The following ANKHD1 variants were observed in gnomAD, a reference collection of about 807,000 sequenced individuals.
ANKHD1 encodes ankyrin repeat and KH domain-containing protein 1.
In ANKHD1, 31 loss-of-function variants were observed where a neutral mutation model predicts 230.5. The observed-to-expected ratio is 0.13, with a 90% CI of 0.10 to 0.18. The LOEUF (loss-of-function observed/expected upper bound fraction) is 0.18. Among genes scored for constraint, ANKHD1 ranks in the 10% least tolerant of loss-of-function variants. ANKHD1 has a pLI of 1.00. For synonymous variants in ANKHD1, 1,074 were observed against 1,117.6 expected (o/e 0.96, Z 0.78); for missense variants, 2,256 against 3,071.3 (o/e 0.73, Z 6.27).
At chr5:140,494,602 CAT>C (rs1177417282) in intron 14 of ANKHD1, among the ~76,000 whole-genome samples, 1 of 152,104 alleles carries the variant, frequency 6.6e-6, no homozygotes, top group Non-Finnish European at 1.5e-5. Context: ...AGTAATGACA[CAT>C]GTTGCATATG....
chr5:140,459,445 G>C, intron 9 of ANKHD1, 90 bp downstream of exon 9: 1 of 1,398,682 alleles, frequency 7.1e-7, no homozygotes, highest in South Asian at 1.9e-5. Context: ...GCTCCTAGTA[G>C]ATAATAGAAT....
Position 140,485,063 on chromosome 5 carries a change from A to G in ANKHD1, c.1871-58A>G. On this transcript the variant is annotated intron_variant, in intron 11 of 33. Coordinates refer to ENST00000360839, the MANE Select transcript of ANKHD1 (RefSeq NM_017747.3). This position sits in a 1 kb window ranked among gnomAD's most constrained non-coding sequence, Gnocchi z 4.8. Reference sequence around the variant, plus strand: ...CACAAAAAATTTTTAAATGATATTGACTATGAACTAGCTTGATGTCAACCT... The same window carrying G: ...CACAAAAAATTTTTAAATGATATTGGCTATGAACTAGCTTGATGTCAACCT... The G allele has an allele frequency of 6.5e-7, 1 of 1,542,412 alleles. No homozygotes were observed.
intron 10 of ANKHD1, chr5:140,472,410 C>A: frequency 6.9e-7 from 1 of 1,458,202 alleles, no homozygotes; most frequent in Non-Finnish European, 9.1e-7. Flanking sequence ...TGCTGGGTGA[C>A]AAAGGAAATC....
intron 9 of ANKHD1, among the ~76,000 whole-genome samples, 158 bp downstream of exon 9, chr5:140,459,513 A>G (rs1381961088): frequency 6.6e-6 from 1 of 152,114 alleles, no homozygotes; most frequent in Non-Finnish European, 1.5e-5. Flanking sequence ...GAGAGGGGAA[A>G]TGTTGATCAA....
At chr5:140,505,453 C>T (rs1270172700) in intron 17 of ANKHD1, among the ~76,000 whole-genome samples, 1 of 152,098 alleles carries the variant, frequency 6.6e-6, no homozygotes, top group Non-Finnish European at 1.5e-5. Flanking sequence ...GTTGTGGTTG[C>T]CTTTGTTAAT....
intron 6 of ANKHD1, among the ~76,000 whole-genome samples, chr5:140,446,884 T>C (rs1461097987): frequency 1.3e-5 from 2 of 152,094 alleles, no homozygotes; most frequent in Non-Finnish European, 2.9e-5. Flanking sequence ...TCTCAATAAA[T>C]ATTCTTTATT....
intron 22 of ANKHD1, among the ~76,000 whole-genome samples, chr5:140,510,651 A>G (rs1752725994): frequency 6.6e-6 from 1 of 152,074 alleles, no homozygotes; most frequent in Admixed American, 6.6e-5. Context: ...GTAGTTCACT[A>G]TAAGCAACTT....
intron 6 of ANKHD1, among the ~76,000 whole-genome samples, chr5:140,446,218 T>G (rs1476004875): frequency 6.6e-6 from 1 of 152,200 alleles, no homozygotes; most frequent in Non-Finnish European, 1.5e-5. Context: ...ACCCAACTAC[T>G]TAGCTTAGAT....
chr5:140,436,320 A>C, intron 2 of ANKHD1, 63 bp downstream of exon 2: 5 of 1,341,874 alleles, frequency 3.7e-6, no homozygotes, highest in Non-Finnish European at 4.8e-6. Context: ...TTACAGTTAC[A>C]TGAGATTATC....
chr5:140,406,673 T>G (rs959285029), intron 1 of ANKHD1, among the ~76,000 whole-genome samples: 2 of 151,964 alleles, frequency 1.3e-5, no homozygotes, highest in Non-Finnish European at 2.9e-5. Context: ...GTAGTGAGAT[T>G]ACAAGTGCGT....
intron 22 of ANKHD1, among the ~76,000 whole-genome samples, chr5:140,511,254 A>G (rs572802390): frequency 6.6e-6 from 1 of 152,328 alleles, no homozygotes; most frequent in South Asian, 2.1e-4. Flanking sequence ...GACCTGCATA[A>G]TAAGCTTCAT....
chr5:140,421,715 T>C (rs1771998156), intron 1 of ANKHD1, among the ~76,000 whole-genome samples: 1 of 152,238 alleles, frequency 6.6e-6, no homozygotes. Flanking sequence ...CTCTAATGCT[T>C]CTAGTTTTGT....
In ANKHD1 at chr5:140,401,871, A is replaced by G; in HGVS notation, c.-97A>G. On this transcript the variant is annotated 5_prime_UTR_variant, in exon 1 of 34. Transcript: ENST00000360839. ...TGGCGCTGCTGGGACGGGGGAAAGG[A>G]GACGCTTCTTCCTCTTGCTGCTCTT... 1 of 1,448,166 alleles carries G rather than the reference A, an allele frequency of 6.9e-7. No individual in the cohort carries two copies. Among genetic ancestry groups the G allele is most frequent in the Non-Finnish European group, 9.0e-7 (1 of 1,105,868 alleles). 89.7% of individuals were successfully genotyped at this position (1,448,166 alleles called of 1,614,324 possible).
intron 1 of ANKHD1, among the ~76,000 whole-genome samples, chr5:140,435,064 TATTAA>T (rs1773332791): frequency 6.6e-6 from 1 of 152,232 alleles, no homozygotes; most frequent in African/African-American, 2.4e-5. Flanking sequence ...AACAAGTATG[TATTAA>T]ATTCATACTA....
intron 15 of ANKHD1, among the ~76,000 whole-genome samples, chr5:140,500,706 T>C (rs1202069557): frequency 6.7e-6 from 1 of 148,618 alleles, no homozygotes; most frequent in Non-Finnish European, 1.5e-5. Context: ...ATTAAGTTGC[T>C]AGTAAGTACC....
chr5:140,405,056 G>A lies in ANKHD1; in HGVS notation c.306+2783G>A, dbSNP rs140604653. Among the ~76,000 whole-genome samples the A allele has an allele frequency of 2.6e-3, 386 of 150,754 alleles. 1 individual carries two copies. The highest frequency in any genetic ancestry group is 0.014 in the Middle Eastern group (4 of 292). ...GGAGTCTCCATACCATGTAATTAAA[G>A]CTATGGGCAGAATCCATGCCTTTTG... On this transcript the variant is annotated intron_variant, in intron 1 of 33. Transcript: ENST00000360839.
chr5:140,452,958 T>C (rs1196424705), intron 7 of ANKHD1, among the ~76,000 whole-genome samples: 5 of 152,066 alleles, frequency 3.3e-5, no homozygotes, highest in Non-Finnish European at 7.4e-5. Flanking sequence ...ACAAAGAAGC[T>C]AAAAACCTTG....
At chr5:140,410,113 G>C (rs2126845090) in intron 1 of ANKHD1, among the ~76,000 whole-genome samples, 1 of 152,166 alleles carries the variant, frequency 6.6e-6, no homozygotes, top group South Asian at 2.1e-4. Flanking sequence ...CAGATACAGT[G>C]AAGTCTCAAT....
In ANKHD1 at chr5:140,402,165, C is replaced by A; in HGVS notation, c.198C>A (p.Ser66Arg). The change falls in exon 1 of 34, where the codon AGC becomes AGA. Residue 66 changes from serine (S) to arginine (R), a missense_variant. Coordinates refer to ENST00000360839, the MANE Select transcript of ANKHD1 (RefSeq NM_017747.3). ...GCAGCGGCGGCGGCGGCAGCGGCAG[C>A]GGTACGGGCGGAGGGGACGCGGCGC... ...VGSSGGGGSGSGTGGGDAALD... is the reference protein window; with the variant it reads ...VGSSGGGGSGRGTGGGDAALD... 6.6e-7 allele frequency: 1 copy of A among 1,522,180 alleles called. No homozygotes were observed. The highest frequency in any genetic ancestry group is 1.2e-5 in the South Asian group (1 of 81,144). 94.3% of individuals were successfully genotyped at this position (1,522,180 alleles called of 1,614,324 possible).
Sources: allele counts gnomAD v4.1 joint callset (sites outside exome capture counted in the v4.1 genomes callset), GRCh38; gene constraint gnomAD v4.1.1; non-coding constraint Gnocchi (gnomAD v3.1); transcripts MANE v1.5; gene names NCBI Gene and HGNC (gene_info 2026-07-23, HGNC 2026-07-21).